NPFFR2: variants seen among roughly 807,000 people sequenced by gnomAD.
The protein encoded by NPFFR2 is neuropeptide FF receptor 2, also known as G-protein coupled receptor 74.
A neutral mutation model predicts 13.1 loss-of-function variants in NPFFR2; 15 were observed. The observed-to-expected ratio is 1.15, with a 90% CI of 0.77 to 1.76. The LOEUF is 1.76. NPFFR2 is among the 40% of genes most tolerant of loss of function. The pLI, the probability that NPFFR2 is intolerant of heterozygous loss-of-function variation, is 0.00. For synonymous variants in NPFFR2, 190 were observed against 175.7 expected (o/e 1.08, Z -0.65); for missense variants, 572 against 503.5 (o/e 1.14, Z -1.30).
At chr4:72,139,543 G>C (rs962476439) in intron 3 of NPFFR2, among the ~76,000 whole-genome samples, 1 of 152,102 alleles carries the variant, frequency 6.6e-6, no homozygotes, top group Non-Finnish European at 1.5e-5. Context: ...GTTTTCGTCA[G>C]GTTTGTCAAA....
intron 3 of NPFFR2, among the ~76,000 whole-genome samples, 167 bp from the exon 4 acceptor site, chr4:72,146,811 C>G (rs1284357921): frequency 6.6e-6 from 1 of 152,104 alleles, no homozygotes; most frequent in Non-Finnish European, 1.5e-5. Flanking sequence ...TATCTCATAT[C>G]AATTACAGAA....
chr4:72,103,338 G>C (rs1271307650), intron 1 of NPFFR2, among the ~76,000 whole-genome samples: 1 of 152,096 alleles, frequency 6.6e-6, no homozygotes, highest in South Asian at 2.1e-4. Flanking sequence ...TAGGTCTTGA[G>C]GGCAGGATAT....
Position 72,058,928 on chromosome 4 carries a change from C to A in NPFFR2, c.-8+26728C>A, listed in dbSNP as rs78254513. ...GCTCTAGCAAATACACCAGTAAATC[C>A]GTTACAAAATATTGTTCACATAAGC... On this transcript the variant is annotated intron_variant, in intron 1 of 3. Coordinates refer to ENST00000308744, the MANE Select transcript of NPFFR2 (RefSeq NM_004885.3). 8.1e-3 allele frequency among the ~76,000 whole-genome samples: 1,240 copies of A among 152,202 alleles called. 17 individuals carry two copies. The highest frequency in any genetic ancestry group is 0.028 in the African/African-American group (1,158 of 41,560).
chr4:72,127,465 G>A (rs1404479692), intron 1 of NPFFR2, among the ~76,000 whole-genome samples: 9 of 126,306 alleles, frequency 7.1e-5, no homozygotes, highest in South Asian at 6.0e-4. Flanking sequence ...CCGGGTTCAC[G>A]CCATTCTCCT....
chr4:72,139,556 T>C (rs148324174), intron 3 of NPFFR2, among the ~76,000 whole-genome samples: 5,201 of 152,236 alleles, frequency 0.034, 291 homozygotes, highest in African/African-American at 0.12. Context: ...TTGTCAAAAA[T>C]CAGATGGATG....
At chr4:72,140,675 G>C (rs886071875) in intron 3 of NPFFR2, among the ~76,000 whole-genome samples, 1 of 152,142 alleles carries the variant, frequency 6.6e-6, no homozygotes, top group Non-Finnish European at 1.5e-5. Flanking sequence ...ATTTCATTGA[G>C]GATTTCCGGA....
intron 1 of NPFFR2, among the ~76,000 whole-genome samples, chr4:72,043,738 A>T (rs1340809606): frequency 6.6e-6 from 1 of 152,172 alleles, no homozygotes; most frequent in East Asian, 1.9e-4. Context: ...TTTTCATTTT[A>T]TAGGCTCATA....
chr4:72,054,188 A>AT lies in NPFFR2; in HGVS notation c.-8+21996dup, dbSNP rs570562994. On this transcript the variant is annotated intron_variant, in intron 1 of 3. Transcript: ENST00000308744. The stretch of plus-strand genomic sequence containing the variant: ...AGCAAACAACCTAGAAGAAACAACA[A>AT]TTTTTTTTAAATGAACAAGTTTAAT... 1.5e-3 allele frequency among the ~76,000 whole-genome samples: 221 copies of AT among 151,810 alleles called. 2 individuals are homozygous for AT. Among genetic ancestry groups the AT allele is most frequent in the African/African-American group, 4.8e-3 (198 of 41,464 alleles).
At chr4:72,049,125 C>T (rs1284574918) in intron 1 of NPFFR2, among the ~76,000 whole-genome samples, 5 of 151,984 alleles carry the variant, frequency 3.3e-5, no homozygotes, top group Non-Finnish European at 5.9e-5. Context: ...ATTGTTTTAT[C>T]TGAAAGTGAA....
At position 72,134,823 on chromosome 4, in the gene NPFFR2, A is replaced by G. The variant is rs185674399; in HGVS notation, c.329-3217A>G. The stretch of plus-strand genomic sequence containing the variant: ...TAGGAACACGTTACTCCCAGGGCAG[A>G]GCAGCTCCTGCTCTGGGATACCCCT... On this transcript the variant is annotated intron_variant, in intron 2 of 3. Transcript: ENST00000308744. Among the ~76,000 whole-genome samples, 296 of 152,224 alleles carry G rather than the reference A, an allele frequency of 1.9e-3. 3 individuals are homozygous for G. The highest frequency in any genetic ancestry group is 6.9e-3 in the African/African-American group (287 of 41,530).
chr4:72,038,901 C>CTTTTTTTT (rs34623356), intron 1 of NPFFR2, among the ~76,000 whole-genome samples: 1,049 of 85,872 alleles, frequency 0.012, 6 homozygotes, highest in Non-Finnish European at 0.018. Flanking sequence ...TTTAAATTTC[C>CTTTTTTTT]TTTCTTTTTT....
chr4:72,127,135 T>C (rs1320567485), intron 1 of NPFFR2, among the ~76,000 whole-genome samples: 1 of 150,742 alleles, frequency 6.6e-6, no homozygotes, highest in Admixed American at 6.6e-5. Flanking sequence ...ACCCCGTCTC[T>C]ACTAAAAATA....
At chr4:72,100,328 T>A (rs1378154447) in intron 1 of NPFFR2, among the ~76,000 whole-genome samples, 1 of 152,130 alleles carries the variant, frequency 6.6e-6, no homozygotes, top group African/African-American at 2.4e-5. Flanking sequence ...ATTTTGGCTC[T>A]GTTGCTTAAT....
At chr4:72,129,250 C>G (rs1578475140) in intron 2 of NPFFR2, among the ~76,000 whole-genome samples, 2 of 151,674 alleles carry the variant, frequency 1.3e-5, no homozygotes, top group East Asian at 3.9e-4. Context: ...CCCTACACAC[C>G]TGTGGGTGTT....
At chr4:72,145,401 T>C (rs1308779400) in intron 3 of NPFFR2, among the ~76,000 whole-genome samples, 2 of 151,410 alleles carry the variant, frequency 1.3e-5, no homozygotes, top group Non-Finnish European at 2.9e-5. Flanking sequence ...TCTGCTATAC[T>C]CCATTTATTC....
At chr4:72,079,518 A>G (rs187606789) in intron 1 of NPFFR2, among the ~76,000 whole-genome samples, 13 of 152,334 alleles carry the variant, frequency 8.5e-5, no homozygotes, top group Non-Finnish European at 1.6e-4. Context: ...AAAATAGATC[A>G]GAGACCTAAA....
chr4:72,076,151 A>G (rs1173108219), intron 1 of NPFFR2, among the ~76,000 whole-genome samples: 3 of 149,594 alleles, frequency 2.0e-5, no homozygotes, highest in Non-Finnish European at 4.4e-5. Flanking sequence ...TGTCAAATCT[A>G]GAAAAATAAT....
chr4:72,037,206 T>C (rs1292943998), intron 1 of NPFFR2, among the ~76,000 whole-genome samples: 2 of 149,998 alleles, frequency 1.3e-5, no homozygotes, highest in African/African-American at 4.9e-5. Context: ...CTAGGCAACA[T>C]AGTGAGATCC....
At chr4:72,047,056 G>T (rs1189262527) in intron 1 of NPFFR2, among the ~76,000 whole-genome samples, 1 of 152,096 alleles carries the variant, frequency 6.6e-6, no homozygotes, top group Non-Finnish European at 1.5e-5. Flanking sequence ...TCAGGCTGCT[G>T]CATGGCTGCT....
Sources: gnomAD v4.1 joint callset for allele counts (sites outside exome capture counted in the v4.1 genomes callset) on GRCh38, gnomAD v4.1.1 for gene constraint, MANE v1.5 for transcripts, NCBI Gene and HGNC (gene_info 2026-07-23, HGNC 2026-07-21) for gene names.